Variants in ADCY5 observed in about 807,000 individuals in gnomAD.
ADCY5 encodes adenylate cyclase 5, also known as adenylate cyclase type 5.
A neutral mutation model predicts 119.7 loss-of-function variants in ADCY5; 30 were observed. The ratio of observed to expected loss-of-function variants is 0.25; its 90% CI spans 0.19 to 0.34. ADCY5 has a LOEUF of 0.34. Among genes scored for constraint, ADCY5 ranks in the 10% least tolerant of loss-of-function variants. The pLI is 1.00. For missense variants in ADCY5, 1,324 were observed against 1,775.2 expected (o/e 0.75, Z 4.57); for synonymous variants, 753 against 762.2 (o/e 0.99, Z 0.20).
intron 1 of ADCY5, among the ~76,000 whole-genome samples, chr3:123,364,336 A>G (rs768384267): frequency 6.6e-6 from 1 of 152,244 alleles, no homozygotes; most frequent in Non-Finnish European, 1.5e-5. Flanking sequence ...CTGTAAAACC[A>G]GAGAGAATAA....
At chr3:123,405,756 TCC>T (rs1050357447) in intron 1 of ADCY5, among the ~76,000 whole-genome samples, 3 of 152,306 alleles carry the variant, frequency 2.0e-5, no homozygotes, top group African/African-American at 7.2e-5. Context: ...TGTCTCAGCC[TCC>T]CAAGTAGCTG....
intron 12 of ADCY5, among the ~76,000 whole-genome samples, chr3:123,305,130 C>G (rs920103900): frequency 6.6e-6 from 1 of 152,172 alleles, no homozygotes; most frequent in African/African-American, 2.4e-5. Context: ...CTGTGTGTTC[C>G]TGAGCAAGCC....
At chr3:123,293,004 G>A (rs1240448075) in intron 17 of ADCY5, among the ~76,000 whole-genome samples, 1 of 152,164 alleles carries the variant, frequency 6.6e-6, no homozygotes, top group Non-Finnish European at 1.5e-5. Flanking sequence ...CAATCCCCAG[G>A]GCCAGGCCAG....
chr3:123,345,243 G>A (rs1369507493), intron 3 of ADCY5, among the ~76,000 whole-genome samples: 2 of 152,238 alleles, frequency 1.3e-5, no homozygotes, highest in Non-Finnish European at 2.9e-5. Flanking sequence ...GATGCCTGCT[G>A]AGTGGGAGAA....
chr3:123,407,617 T>A (rs1576674964), intron 1 of ADCY5, among the ~76,000 whole-genome samples: 1 of 139,148 alleles, frequency 7.2e-6, no homozygotes, highest in Non-Finnish European at 1.5e-5. Flanking sequence ...AAAAATTAGC[T>A]GGGCACGGTG....
intron 17 of ADCY5, among the ~76,000 whole-genome samples, chr3:123,293,646 T>C (rs969053835): frequency 2.6e-5 from 4 of 152,086 alleles, no homozygotes; most frequent in African/African-American, 9.7e-5. Context: ...GAGGTGAGTT[T>C]CTCATTGCCA....
At chr3:123,380,074 T>C (rs963083422) in intron 1 of ADCY5, among the ~76,000 whole-genome samples, 1 of 152,178 alleles carries the variant, frequency 6.6e-6, no homozygotes, top group Non-Finnish European at 1.5e-5. Context: ...GATTCTCCTA[T>C]TTAGAGCCAC....
Position 123,352,523 on chromosome 3 carries a change from T to G in ADCY5, c.1193A>C (p.Tyr398Ser), listed in dbSNP as rs2108499001. Residue 398 changes from tyrosine to serine, a missense_variant, in exon 2 of 21, where the codon TAT becomes TCT. By Grantham distance (144) the Tyr-to-Ser change is moderately radical. This residue lies in a region of ADCY5 where 123 missense variants were observed against 287.9 expected (regional missense o/e 0.43). Transcript: ENST00000462833. The surrounding 1 kb of genome is among the most constrained non-coding windows in gnomAD (Gnocchi z 4.8). ...CTGTCTCTGGGAGACCTCAGCCGGA[T>G]AGTGGGTGCAGACACCCACGATGTT... Reference protein sequence around the residue: ...CTNIVGVCTHYPAEVSQRQAF... With the variant: ...CTNIVGVCTHSPAEVSQRQAF... 1 of 1,613,920 alleles carries G rather than the reference T, an allele frequency of 6.2e-7. No individual in the cohort carries two copies. The highest frequency in any genetic ancestry group is 8.5e-7 in the Non-Finnish European group (1 of 1,179,928).
At chr3:123,337,205 AAT>A (rs1229081519) in intron 3 of ADCY5, among the ~76,000 whole-genome samples, 3 of 152,130 alleles carry the variant, frequency 2.0e-5, no homozygotes, top group African/African-American at 7.2e-5. Context: ...TTCTCACTCA[AAT>A]GTAAACTCTT....
At chr3:123,348,011 G>C in intron 2 of ADCY5, 108 bp from the exon 3 acceptor site, 1 of 1,379,678 alleles carries the variant, frequency 7.2e-7, no homozygotes, top group Non-Finnish European at 1.0e-6. Flanking sequence ...AACCTCTCAG[G>C]CTCTCCCGGG....
At chr3:123,332,188 C>A (rs1488474451) in intron 4 of ADCY5, among the ~76,000 whole-genome samples, 1 of 152,228 alleles carries the variant, frequency 6.6e-6, no homozygotes, top group African/African-American at 2.4e-5. Context: ...TGGCCAATCT[C>A]ATCAGGAATG....
At position 123,296,191 on chromosome 3, in the gene ADCY5, A is replaced by G. The variant is rs773680641; in HGVS notation, c.2956T>C (p.Leu986=). Reference sequence around the variant, plus strand: ...ATGATGATGGGCGTCACCACCTTCAATGCCACCTTGGTTGCATGCTCAGGG... The same window carrying G: ...ATGATGATGGGCGTCACCACCTTCAGTGCCACCTTGGTTGCATGCTCAGGG... The part of the protein sequence containing the change: ...QCPEHATKVA[L]KVVTPIIISV... Residue 986 remains leucine (L), a synonymous_variant, in exon 17 of 21, where the codon TTG becomes CTG. Coordinates refer to ENST00000462833, the MANE Select transcript of ADCY5 (RefSeq NM_183357.3). 3 of 1,613,708 alleles carry G rather than the reference A, an allele frequency of 1.9e-6. No homozygotes were observed. In the African/African-American group the frequency reaches 4.0e-5, roughly 22 times the overall value.
At chr3:123,340,093 C>T (rs186719212) in intron 3 of ADCY5, among the ~76,000 whole-genome samples, 1 of 151,950 alleles carries the variant, frequency 6.6e-6, no homozygotes, top group East Asian at 1.9e-4. Flanking sequence ...AGTCGGAGGC[C>T]GGTCTAAGCA....
At chr3:123,409,695 C>T (rs1369874088) in intron 1 of ADCY5, among the ~76,000 whole-genome samples, 1 of 152,166 alleles carries the variant, frequency 6.6e-6, no homozygotes, top group African/African-American at 2.4e-5. Context: ...TCTGGGAGCC[C>T]AGCAAGCTCT....
chr3:123,285,138 C>G (rs1231029069), intron 20 of ADCY5, among the ~76,000 whole-genome samples: 4 of 152,206 alleles, frequency 2.6e-5, no homozygotes, highest in African/African-American at 9.6e-5. Flanking sequence ...GTGCATTGTA[C>G]AAAAGCATCC....
At position 123,405,048 on chromosome 3, in the gene ADCY5, G is replaced by A. The variant is rs539101260; in HGVS notation, c.1134+42364C>T. Among the ~76,000 whole-genome samples the A allele has an allele frequency of 8.5e-5, 13 of 152,354 alleles. 1 individual carries two copies. In the East Asian group the frequency reaches 1.7e-3, roughly 20 times the overall value. Reference sequence around the variant, plus strand: ...ACCAGTGCTGCTGGAATGGTAGGGCGATGCCAGAAGGGCAGGGCAGAGGAA... The same window carrying A: ...ACCAGTGCTGCTGGAATGGTAGGGCAATGCCAGAAGGGCAGGGCAGAGGAA... On this transcript the variant is annotated intron_variant, in intron 1 of 20. Transcript: ENST00000462833.
At chr3:123,412,097 C>G (rs1024170182) in intron 1 of ADCY5, among the ~76,000 whole-genome samples, 1 of 152,224 alleles carries the variant, frequency 6.6e-6, no homozygotes, top group African/African-American at 2.4e-5. Context: ...ACTCATAAAA[C>G]CTTCCTCCAC....
chr3:123,392,530 T>A (rs1944427060), intron 1 of ADCY5, among the ~76,000 whole-genome samples: 1 of 152,072 alleles, frequency 6.6e-6, no homozygotes, highest in East Asian at 1.9e-4. Context: ...CCAGCTCTCA[T>A]CAAAAGGTCA....
At position 123,349,633 on chromosome 3, in the gene ADCY5, G is replaced by A. The variant is rs539357297; in HGVS notation, c.1285-1730C>T. ...AACTCACTCTTCCTTATTTTCCACT[G>A]CAAAGCAAAGCCCATGTCCCCCTAC... On this transcript the variant is annotated intron_variant, in intron 2 of 20. Coordinates refer to ENST00000462833, the MANE Select transcript of ADCY5 (RefSeq NM_183357.3). Among the ~76,000 whole-genome samples the A allele has an allele frequency of 7.2e-5, 11 of 152,208 alleles. No homozygotes were observed. In the South Asian group the frequency reaches 2.3e-3, roughly 32 times the overall value.
Sources: gnomAD v4.1 joint callset for allele counts (sites outside exome capture counted in the v4.1 genomes callset) on GRCh38, gnomAD v4.1.1 for gene constraint, gnomAD v4.1.1 regional missense constraint, Gnocchi (gnomAD v3.1) non-coding constraint, MANE v1.5 for transcripts, NCBI Gene and HGNC (gene_info 2026-07-23, HGNC 2026-07-21) for gene names.